Variants in JPH1 observed in about 807,000 individuals in gnomAD.
JPH1 encodes the protein junctophilin 1.
A neutral mutation model predicts 53.6 loss-of-function variants in JPH1; 12 were observed. The observed-to-expected ratio is 0.22, with a 90% CI of 0.14 to 0.36. The LOEUF (loss-of-function observed/expected upper bound fraction) is 0.36. JPH1 is among the 10% of genes least tolerant of loss of function. The pLI, the probability that JPH1 is intolerant of heterozygous loss-of-function variation, is 1.00. For synonymous variants in JPH1, 375 were observed against 363.8 expected, an observed-to-expected ratio of 1.03 and a Z score of -0.35; for missense variants, 808 against 905.5, an observed-to-expected ratio of 0.89 and a Z score of 1.38.
At chr8:74,249,185 G>C (rs1805959723) in intron 3 of JPH1, among the ~76,000 whole-genome samples, 1 of 152,134 alleles carries the variant, frequency 6.6e-6, no homozygotes, top group African/African-American at 2.4e-5. Flanking sequence ...GGTGAGCCTC[G>C]GTGGGCTGGC....
In JPH1 at chr8:74,315,247, G is replaced by A. The variant is rs1808111492; in HGVS notation, c.753C>T (p.Ser251=). 1 of 1,614,070 alleles carries A rather than the reference G, an allele frequency of 6.2e-7. No individual in the cohort carries two copies. Among genetic ancestry groups the A allele is most frequent in the South Asian group, 1.1e-5 (1 of 91,088 alleles). ...CAAAGCTGATCGTGGAGTTGGCATC[G>A]CTGGAACTAATTCTGCTCATGGCCG... ...SDAAMSRISS[S]DANSTISFGD... is the part of the protein sequence containing the mutation. The change falls in exon 2 of 6, where the codon AGC becomes AGT. Residue 251 remains serine (S), a synonymous_variant. Transcript: ENST00000342232. This position sits in a 1 kb window ranked among gnomAD's most constrained non-coding sequence, Gnocchi z 6.3.
intron 2 of JPH1, among the ~76,000 whole-genome samples, chr8:74,310,088 C>T (rs1323134825): frequency 1.3e-5 from 2 of 152,034 alleles, no homozygotes; most frequent in Non-Finnish European, 2.9e-5. Flanking sequence ...ACCATGGAGC[C>T]TGGGCTTAGG....
rs566509900 is a variant in JPH1 at position 74,290,952 on chromosome 8, C to T, written c.1139+23909G>A. Among the ~76,000 whole-genome samples the T allele has an allele frequency of 3.3e-4, 50 of 152,224 alleles. No individual in the cohort carries two copies. In the Middle Eastern group the frequency reaches 0.017, roughly 52 times the overall value. The stretch of plus-strand genomic sequence containing the variant: ...TATGCAGAAAGCTGAAACTGGATCC[C>T]GTCCTTACACCTTATACAAAAATTA... On this transcript the variant is annotated intron_variant, in intron 2 of 5. Transcript: ENST00000342232.
chr8:74,299,427 T>C (rs1251881232), intron 2 of JPH1, among the ~76,000 whole-genome samples: 1 of 152,190 alleles, frequency 6.6e-6, no homozygotes, highest in African/African-American at 2.4e-5. Flanking sequence ...CTTACTCTTG[T>C]GTCAATCACT....
intron 4 of JPH1, among the ~76,000 whole-genome samples, chr8:74,242,961 T>A (rs1156633471): frequency 2.6e-5 from 4 of 152,242 alleles, no homozygotes; most frequent in Non-Finnish European, 4.4e-5. Context: ...AAGAGCTGGG[T>A]AATTCAACTT....
chr8:74,298,989 A>G (rs908453788), intron 2 of JPH1, among the ~76,000 whole-genome samples: 1 of 152,216 alleles, frequency 6.6e-6, no homozygotes, highest in Non-Finnish European at 1.5e-5. Flanking sequence ...ATTAAGACCT[A>G]TTACAAAAAG....
intron 2 of JPH1, among the ~76,000 whole-genome samples, chr8:74,290,949 T>C (rs1563413272): frequency 6.6e-6 from 1 of 152,170 alleles, no homozygotes; most frequent in Non-Finnish European, 1.5e-5. Flanking sequence ...TGAAACTGGA[T>C]CCCGTCCTTA....
intron 2 of JPH1, among the ~76,000 whole-genome samples, chr8:74,265,946 T>TAA (rs375807575): frequency 0.013 from 1,807 of 141,200 alleles, 23 homozygotes; most frequent in African/African-American, 0.037. Flanking sequence ...TGGCTACTAT[T>TAA]AAAAAAAAAA....
rs547109159 is a variant in JPH1 at position 74,315,443 on chromosome 8, G to A, written c.557C>T (p.Pro186Leu). 2.5e-6 allele frequency: 4 copies of A among 1,610,386 alleles called. No homozygotes were observed. The highest frequency in any genetic ancestry group is 1.7e-5 in the Admixed American group (1 of 59,608). The change falls in exon 2 of 6, where the codon CCG becomes CTG. Residue 186 changes from proline to leucine, a missense_variant. This residue lies in a region of JPH1 where 756 missense variants were observed against 811.9 expected (regional missense o/e 0.93). Transcript: ENST00000342232. This position sits in a 1 kb window ranked among gnomAD's most constrained non-coding sequence, Gnocchi z 6.3. ...LHDAAAAADS[P>L]AGTRGGFVLN... is the part of the protein sequence containing the mutation. ...CACGAAACCGCCGCGGGTGCCGGCC[G>A]GGCTGTCGGCGGCGGCTGCGGCGTC...
At chr8:74,290,479 G>T (rs1807291871) in intron 2 of JPH1, among the ~76,000 whole-genome samples, 1 of 152,162 alleles carries the variant, frequency 6.6e-6, no homozygotes, top group South Asian at 2.1e-4. Flanking sequence ...CAAAATAAAA[G>T]AGGACACAAA....
chr8:74,308,695 A>G (rs1309211376), intron 2 of JPH1, among the ~76,000 whole-genome samples: 3 of 152,184 alleles, frequency 2.0e-5, no homozygotes, highest in Non-Finnish European at 4.4e-5. Context: ...ATCAATTTAG[A>G]CTAATGGGGA....
At chr8:74,285,935 A>G (rs946713637) in intron 2 of JPH1, among the ~76,000 whole-genome samples, 1 of 152,196 alleles carries the variant, frequency 6.6e-6, no homozygotes, top group African/African-American at 2.4e-5. Context: ...TGAGGAGGAG[A>G]TTTATCACTC....
At position 74,245,098 on chromosome 8, in the gene JPH1, G is replaced by A. The variant is rs537661735; in HGVS notation, c.1336C>T (p.Pro446Ser). 2.3e-4 allele frequency: 369 copies of A among 1,612,312 alleles called. 5 individuals carry two copies. The South Asian group carries it at 3.9e-3, about 17-fold the overall frequency. Residue 446 changes from proline to serine, a missense_variant, in exon 4 of 6, where the codon CCA becomes TCA. By Grantham distance (74) the Pro-to-Ser change is moderately conservative (BLOSUM62 -1). Coordinates refer to ENST00000342232, the MANE Select transcript of JPH1 (RefSeq NM_020647.4). Reference protein sequence around the residue: ...ENPEEKVPEKPPTPKESPHFY... With the variant: ...ENPEEKVPEKSPTPKESPHFY... ...TGAGGAGACTCCTTTGGTGTAGGTG[G>A]CTTTTCTGGTACCTTTTCTTCTGGA...
intron 2 of JPH1, among the ~76,000 whole-genome samples, chr8:74,273,633 T>C (rs1806767979): frequency 6.6e-6 from 1 of 152,216 alleles, no homozygotes. Flanking sequence ...TACAGGGCTA[T>C]TATGTAATTC....
intron 2 of JPH1, among the ~76,000 whole-genome samples, chr8:74,266,757 T>C (rs1043467910): frequency 6.6e-6 from 1 of 152,214 alleles, no homozygotes; most frequent in African/African-American, 2.4e-5. Context: ...GCATCTTATA[T>C]GTCCAGAGGA....
intron 2 of JPH1, among the ~76,000 whole-genome samples, chr8:74,300,503 A>G (rs996035772): frequency 6.6e-6 from 1 of 152,216 alleles, no homozygotes; most frequent in East Asian, 1.9e-4. Context: ...TGATATAAAC[A>G]AGAATAACTG....
intron 4 of JPH1, among the ~76,000 whole-genome samples, chr8:74,238,027 A>C (rs1211882333): frequency 6.6e-6 from 1 of 152,262 alleles, no homozygotes; most frequent in African/African-American, 2.4e-5. Flanking sequence ...TTGTTTAAAC[A>C]AACCAACCTC....
intron 2 of JPH1, among the ~76,000 whole-genome samples, chr8:74,313,869 T>G (rs534712130): frequency 4.6e-5 from 7 of 152,266 alleles, no homozygotes; most frequent in South Asian, 2.1e-4. Flanking sequence ...AAAATAAAAT[T>G]TTCCATTTAT....
intron 2 of JPH1, among the ~76,000 whole-genome samples, chr8:74,281,493 C>A (rs1807016356): frequency 6.6e-6 from 1 of 152,206 alleles, no homozygotes; most frequent in Non-Finnish European, 1.5e-5. Context: ...TAGTACCCAA[C>A]ACACATTTTG....
Sources: gnomAD v4.1 joint callset for allele counts (sites outside exome capture counted in the v4.1 genomes callset) on GRCh38, gnomAD v4.1.1 for gene constraint, gnomAD v4.1.1 regional missense constraint, Gnocchi (gnomAD v3.1) non-coding constraint, MANE v1.5 for transcripts, NCBI Gene and HGNC (gene_info 2026-07-23, HGNC 2026-07-21) for gene names.